The following SGCZ variants were observed in gnomAD, a reference collection of about 807,000 sequenced individuals.
SGCZ encodes the protein zeta-sarcoglycan.
SGCZ carries 40 observed loss-of-function variants against 41.3 expected under a neutral mutation model. That is an observed-to-expected ratio of 0.97 (90% CI 0.75 to 1.26). The LOEUF is 1.26. SGCZ is among the 50% of genes most tolerant of loss of function. The pLI is 0.00. For synonymous variants in SGCZ, 206 were observed against 137.5 expected (o/e 1.50, Z -3.49); for missense variants, 552 against 369.8 (o/e 1.49, Z -4.04).
rs1471959065 is a variant in SGCZ at position 15,117,844 on chromosome 8, TC to T, written c.39+119740del. Among the ~76,000 whole-genome samples, 20 of 152,302 alleles carry T rather than the reference TC, an allele frequency of 1.3e-4. No homozygotes were observed. The East Asian group carries it at 3.3e-3, about 25-fold the overall frequency. Reference sequence around the variant, plus strand: ...CTAAGTAGATCTAGGGCCAAAAATCTCCACGTATTCAAACAAATGCAAAAAC... The same window carrying T: ...CTAAGTAGATCTAGGGCCAAAAATCTCACGTATTCAAACAAATGCAAAAAC... On this transcript the variant is annotated intron_variant, in intron 1 of 7. Coordinates refer to ENST00000382080, the MANE Select transcript of SGCZ (RefSeq NM_139167.4).
At chr8:14,526,155 C>T (rs1802942323) in intron 2 of SGCZ, among the ~76,000 whole-genome samples, 1 of 152,056 alleles carries the variant, frequency 6.6e-6, no homozygotes, top group Non-Finnish European at 1.5e-5. Flanking sequence ...GTTTTTATCA[C>T]CTATACAATT....
At chr8:14,754,783 C>A (rs1279092865) in intron 1 of SGCZ, among the ~76,000 whole-genome samples, 1 of 152,166 alleles carries the variant, frequency 6.6e-6, no homozygotes, top group South Asian at 2.1e-4. Flanking sequence ...CCTCGGTTCA[C>A]TGCAACCTTC....
At chr8:14,826,298 G>A (rs549217123) in intron 1 of SGCZ, among the ~76,000 whole-genome samples, 1 of 152,190 alleles carries the variant, frequency 6.6e-6, no homozygotes, top group African/African-American at 2.4e-5. Flanking sequence ...ATTCCATGGT[G>A]TATATGTGCC....
At chr8:14,723,778 T>C (rs1193491068) in intron 1 of SGCZ, among the ~76,000 whole-genome samples, 2 of 152,080 alleles carry the variant, frequency 1.3e-5, no homozygotes, top group African/African-American at 4.8e-5. Context: ...GAGTTTTATG[T>C]TATCTACGTA....
At chr8:15,201,836 C>T (rs1281389395) in intron 1 of SGCZ, among the ~76,000 whole-genome samples, 3 of 152,164 alleles carry the variant, frequency 2.0e-5, no homozygotes, top group African/African-American at 7.2e-5. Context: ...TTTATCTACC[C>T]TGACATCTCT....
chr8:14,433,656 A>T lies in SGCZ; in HGVS notation c.235-109452T>A, dbSNP rs535597742. On this transcript the variant is annotated intron_variant, in intron 2 of 7. Coordinates refer to ENST00000382080, the MANE Select transcript of SGCZ (RefSeq NM_139167.4). Reference sequence around the variant, plus strand: ...TCCTATTTAGAAAAAAAAATAAAAAAGGTGCAGCTTGTTGCCAATGCTCAC... The same window carrying T: ...TCCTATTTAGAAAAAAAAATAAAAATGGTGCAGCTTGTTGCCAATGCTCAC... Among the ~76,000 whole-genome samples the T allele has an allele frequency of 3.8e-4, 58 of 152,338 alleles. 1 individual carries two copies. The South Asian group carries it at 0.012, about 32-fold the overall frequency.
intron 2 of SGCZ, among the ~76,000 whole-genome samples, chr8:14,414,978 T>G (rs12544195): frequency 0.24 from 36,530 of 151,806 alleles, 4,577 homozygotes; most frequent in Non-Finnish European, 0.29. Flanking sequence ...CATTTCTTAG[T>G]TCATTTAATA....
At chr8:14,200,083 C>T (rs1805404309) in intron 4 of SGCZ, among the ~76,000 whole-genome samples, 1 of 152,108 alleles carries the variant, frequency 6.6e-6, no homozygotes, top group African/African-American at 2.4e-5. Flanking sequence ...TCTGACATCT[C>T]CTGGCAGTGT....
At chr8:14,631,864 T>C (rs1266491022) in intron 1 of SGCZ, among the ~76,000 whole-genome samples, 1 of 152,116 alleles carries the variant, frequency 6.6e-6, no homozygotes, top group Non-Finnish European at 1.5e-5. Context: ...AACTTCTTAG[T>C]CTCAATTAAT....
chr8:14,466,964 T>C (rs1384325468), intron 2 of SGCZ, among the ~76,000 whole-genome samples: 1 of 151,916 alleles, frequency 6.6e-6, no homozygotes, highest in African/African-American at 2.4e-5. Flanking sequence ...AGAACAGTTT[T>C]TTTTATTTGT....
At chr8:14,395,600 T>C (rs1230452053) in intron 2 of SGCZ, among the ~76,000 whole-genome samples, 1 of 152,122 alleles carries the variant, frequency 6.6e-6, no homozygotes, top group Non-Finnish European at 1.5e-5. Flanking sequence ...GAGTATTGAT[T>C]TTCAATTATA....
chr8:14,303,719 T>C (rs972597713), intron 3 of SGCZ, among the ~76,000 whole-genome samples: 6 of 152,150 alleles, frequency 3.9e-5, no homozygotes, highest in Admixed American at 1.3e-4. Flanking sequence ...GCAAAATCTC[T>C]CTCTATATAT....
chr8:14,161,904 T>G (rs1421669756), intron 5 of SGCZ, among the ~76,000 whole-genome samples: 1 of 151,616 alleles, frequency 6.6e-6, no homozygotes, highest in Non-Finnish European at 1.5e-5. Context: ...CATAGACACA[T>G]TTTACACACA....
chr8:14,788,226 A>G (rs1476336915), intron 1 of SGCZ, among the ~76,000 whole-genome samples: 1 of 152,176 alleles, frequency 6.6e-6, no homozygotes, highest in Non-Finnish European at 1.5e-5. Context: ...AATAAAGCAC[A>G]TAATGCAGTA....
chr8:14,114,425 G>T (rs1434015609), intron 5 of SGCZ, among the ~76,000 whole-genome samples: 4 of 151,758 alleles, frequency 2.6e-5, no homozygotes, highest in Non-Finnish European at 5.9e-5. Flanking sequence ...ATTGTCTTGG[G>T]AGGAAAGCAA....
chr8:14,595,011 C>G (rs1308990684), intron 1 of SGCZ, among the ~76,000 whole-genome samples: 1 of 151,646 alleles, frequency 6.6e-6, no homozygotes, highest in East Asian at 1.9e-4. Flanking sequence ...ATATTTTTTT[C>G]TGTAGTAAAA....
chr8:14,142,182 G>C (rs1288576569), intron 5 of SGCZ, among the ~76,000 whole-genome samples: 2 of 152,150 alleles, frequency 1.3e-5, no homozygotes, highest in Non-Finnish European at 2.9e-5. Flanking sequence ...TGGAGGCATG[G>C]GGGAGGGATA....
chr8:14,991,547 CTTGA>C (rs1384683903), intron 1 of SGCZ, among the ~76,000 whole-genome samples: 2 of 152,096 alleles, frequency 1.3e-5, no homozygotes, highest in African/African-American at 4.8e-5. Context: ...TGATGCTTTC[CTTGA>C]ATATTATCAA....
At chr8:14,691,703 T>C (rs1808802779) in intron 1 of SGCZ, among the ~76,000 whole-genome samples, 1 of 152,044 alleles carries the variant, frequency 6.6e-6, no homozygotes, top group African/African-American at 2.4e-5. Flanking sequence ...GTTATGTTAG[T>C]CAGATTTAAA....
Sources: allele counts gnomAD v4.1 joint callset (sites outside exome capture counted in the v4.1 genomes callset), GRCh38; gene constraint gnomAD v4.1.1; transcripts MANE v1.5; gene names NCBI Gene and HGNC (gene_info 2026-07-23, HGNC 2026-07-21).